Variants in CTNNA3 observed in about 807,000 individuals in gnomAD.
CTNNA3 encodes the protein catenin alpha 3, also known as catenin alpha-3.
In CTNNA3, 76 loss-of-function variants were observed where a neutral mutation model predicts 95.7. The ratio of observed to expected loss-of-function variants is 0.79; its 90% CI spans 0.66 to 0.96. CTNNA3 has a LOEUF of 0.96. Among genes scored for constraint, CTNNA3 ranks in the 40% least tolerant of loss-of-function variants. The probability of loss-of-function intolerance (pLI) is 0.00; values close to 1 mark genes in which losing one functional copy is unlikely to be tolerated. For synonymous variants in CTNNA3, 431 were observed against 374.4 expected (o/e 1.15, Z -1.74); for missense variants, 1,191 against 1,089.8 (o/e 1.09, Z -1.31).
chr10:66,114,231 C>G (rs143060016), intron 13 of CTNNA3, among the ~76,000 whole-genome samples: 1 of 152,090 alleles, frequency 6.6e-6, no homozygotes, highest in African/African-American at 2.4e-5. Flanking sequence ...AAAAGGGAGT[C>G]TAACTTAAAA....
chr10:67,340,621 T>G (rs190999442), intron 5 of CTNNA3, among the ~76,000 whole-genome samples: 1 of 152,358 alleles, frequency 6.6e-6, no homozygotes, highest in East Asian at 1.9e-4. Flanking sequence ...CATAATCTGC[T>G]CCAGGAAAGC....
chr10:67,753,029 A>G (rs1215157264), intron 1 of CTNNA3, among the ~76,000 whole-genome samples: 1 of 152,172 alleles, frequency 6.6e-6, no homozygotes, highest in Non-Finnish European at 1.5e-5. Context: ...TCCTAAGCAA[A>G]AAGAACAAAG....
chr10:66,874,533 A>C (rs1419117235), intron 7 of CTNNA3, among the ~76,000 whole-genome samples: 7 of 152,210 alleles, frequency 4.6e-5, no homozygotes. Flanking sequence ...TAGGTGGTTA[A>C]GTAAAGGTAT....
chr10:67,423,841 C>T (rs1310009024), intron 5 of CTNNA3, among the ~76,000 whole-genome samples: 9 of 152,062 alleles, frequency 5.9e-5, no homozygotes, highest in East Asian at 1.9e-4. Flanking sequence ...AAATGAAGGT[C>T]GGGGACTCTT....
chr10:67,082,579 C>A (rs1263358065), intron 7 of CTNNA3, among the ~76,000 whole-genome samples: 3 of 152,110 alleles, frequency 2.0e-5, no homozygotes, highest in Admixed American at 2.0e-4. Flanking sequence ...CTTCACAAGC[C>A]TCCTAGGAAA....
intron 5 of CTNNA3, among the ~76,000 whole-genome samples, chr10:67,318,744 A>C (rs1256179415): frequency 6.6e-6 from 1 of 152,214 alleles, no homozygotes. Context: ...TTCTCAGTGA[A>C]GCTTACTCTG....
intron 5 of CTNNA3, among the ~76,000 whole-genome samples, chr10:67,471,329 G>A (rs1473290582): frequency 6.6e-6 from 1 of 152,170 alleles, no homozygotes; most frequent in Non-Finnish European, 1.5e-5. Flanking sequence ...GAAAACCACT[G>A]CACCAGCAAA....
At chr10:67,707,526 G>A (rs1841084941) in intron 1 of CTNNA3, among the ~76,000 whole-genome samples, 1 of 152,030 alleles carries the variant, frequency 6.6e-6, no homozygotes. Flanking sequence ...TTCTCATAGA[G>A]GTCTTTCTTT....
chr10:66,422,348 GT>G (rs1379462557), intron 11 of CTNNA3, among the ~76,000 whole-genome samples: 1 of 152,068 alleles, frequency 6.6e-6, no homozygotes, highest in Admixed American at 6.6e-5. Context: ...TGAATCATCA[GT>G]TTTTTATCAC....
upstream of CTNNA3, among the ~76,000 whole-genome samples, chr10:67,700,883 A>G (rs1841033485): frequency 1.3e-5 from 2 of 152,218 alleles, no homozygotes; most frequent in Admixed American, 1.3e-4. Flanking sequence ...TTTGAAAAAA[A>G]TTTAGACGAA....
At chr10:66,131,820 A>G (rs1323556458) in intron 13 of CTNNA3, among the ~76,000 whole-genome samples, 1 of 152,194 alleles carries the variant, frequency 6.6e-6, no homozygotes, top group African/African-American at 2.4e-5. Flanking sequence ...CCTATTCAAT[A>G]AAAGGTGCTG....
intron 9 of CTNNA3, among the ~76,000 whole-genome samples, chr10:66,696,801 T>TG (rs760144366): frequency 6.6e-6 from 1 of 151,646 alleles, no homozygotes; most frequent in African/African-American, 2.4e-5. Flanking sequence ...TATCCAAGCA[T>TG]GGTGGTGTGC....
rs111856151 is a variant in CTNNA3, at chr10:66,369,202, G to A, written c.1732+9950C>T. Among the ~76,000 whole-genome samples, 1,032 of 152,244 alleles carry A rather than the reference G, an allele frequency of 6.8e-3. 17 individuals carry two copies. The highest frequency in any genetic ancestry group is 0.024 in the African/African-American group (995 of 41,552). The stretch of plus-strand genomic sequence containing the variant: ...AGTAATACTTTCTTTTGTAATTGAT[G>A]AAAGAGGAAGCTGTAAATTACCATG... On this transcript the variant is annotated intron_variant, in intron 12 of 17. Transcript: ENST00000433211.
intron 5 of CTNNA3, among the ~76,000 whole-genome samples, chr10:67,240,686 C>T (rs1385537958): frequency 6.6e-6 from 1 of 152,124 alleles, no homozygotes; most frequent in Non-Finnish European, 1.5e-5. Context: ...ATTAAGATAT[C>T]TCCCAAGGTG....
chr10:66,743,470 T>G (rs756231000), intron 9 of CTNNA3, among the ~76,000 whole-genome samples: 1 of 152,182 alleles, frequency 6.6e-6, no homozygotes, highest in Non-Finnish European at 1.5e-5. Flanking sequence ...AGACTTTATC[T>G]GGGTTTATCT....
At chr10:66,935,358 T>C (rs1161664767) in intron 7 of CTNNA3, among the ~76,000 whole-genome samples, 1 of 152,104 alleles carries the variant, frequency 6.6e-6, no homozygotes, top group Non-Finnish European at 1.5e-5. Flanking sequence ...TTTACCATAG[T>C]GAAAACTCTC....
At chr10:66,712,292 C>A (rs141395342) in intron 9 of CTNNA3, among the ~76,000 whole-genome samples, 3 of 152,142 alleles carry the variant, frequency 2.0e-5, no homozygotes, top group Middle Eastern at 3.4e-3. Context: ...TCAGTTATTT[C>A]CCCTAGGCAG....
At chr10:67,037,813 G>T (rs917724692) in intron 7 of CTNNA3, among the ~76,000 whole-genome samples, 1 of 152,138 alleles carries the variant, frequency 6.6e-6, no homozygotes, top group Non-Finnish European at 1.5e-5. Flanking sequence ...AGTGAGTTCA[G>T]CTTAGGACAA....
chr10:67,234,864 CAAT>C (rs1865380921), intron 5 of CTNNA3, among the ~76,000 whole-genome samples: 1 of 148,370 alleles, frequency 6.7e-6, no homozygotes, highest in East Asian at 2.0e-4. Flanking sequence ...TCTTATACAC[CAAT>C]AACAGACAAA....
Sources: allele counts gnomAD v4.1 joint callset (sites outside exome capture counted in the v4.1 genomes callset), GRCh38; gene constraint gnomAD v4.1.1; transcripts MANE v1.5; gene names NCBI Gene and HGNC (gene_info 2026-07-23, HGNC 2026-07-21).